FBN1: variants seen among roughly 807,000 people sequenced by gnomAD.
The protein encoded by FBN1 is fibrillin-1.
A neutral mutation model predicts 365.1 loss-of-function variants in FBN1; 29 were observed. The observed-to-expected ratio is 0.08, with a 90% CI of 0.06 to 0.11. The LOEUF (loss-of-function observed/expected upper bound fraction) is 0.11, where lower values mean the gene tolerates loss of function less well. Ranked by LOEUF, FBN1 falls within the 10% of genes least tolerant of loss-of-function variation. The pLI is 1.00. For missense variants in FBN1, 2,476 were observed against 3,703.2 expected (o/e 0.67, Z 8.60); for synonymous variants, 1,210 against 1,270.5 (o/e 0.95, Z 1.01).
intron 9 of FBN1, 92 bp downstream of exon 9, chr15:48,526,038 T>A: frequency 6.6e-7 from 1 of 1,520,254 alleles, no homozygotes; most frequent in Non-Finnish European, 9.1e-7. Context: ...AGTTGATAAA[T>A]TATATGTGCT....
At chr15:48,515,321 A>C (rs2043791066) in intron 12 of FBN1, 66 bp downstream of exon 12, 1 of 1,588,880 alleles carries the variant, frequency 6.3e-7, no homozygotes, top group Non-Finnish European at 8.6e-7. Context: ...AGCAATAGAA[A>C]ACCAGTAGAG....
intron 32 of FBN1, among the ~76,000 whole-genome samples, chr15:48,475,209 A>C (rs1250984114): frequency 6.6e-6 from 1 of 152,198 alleles, no homozygotes. Flanking sequence ...AAGCATTTGC[A>C]GAAAATGTTC....
intron 2 of FBN1, among the ~76,000 whole-genome samples, chr15:48,615,686 T>C (rs1889638131): frequency 6.6e-6 from 1 of 152,220 alleles, no homozygotes; most frequent in Admixed American, 6.5e-5. Context: ...GAGTCTTATA[T>C]ATATTACACT....
At chr15:48,451,661 G>A (rs560268942) in intron 45 of FBN1, among the ~76,000 whole-genome samples, 11 of 152,168 alleles carry the variant, frequency 7.2e-5, no homozygotes, top group African/African-American at 2.6e-4. Context: ...GAAACCCCCC[G>A]TGAAATGAAC....
intron 2 of FBN1, among the ~76,000 whole-genome samples, chr15:48,620,859 T>C (rs1260923203): frequency 6.6e-6 from 1 of 152,130 alleles, no homozygotes; most frequent in Non-Finnish European, 1.5e-5. Context: ...TCAGGGCTCC[T>C]GGGAGATGAT....
chr15:48,454,242 A>C (rs2043222878), intron 44 of FBN1, among the ~76,000 whole-genome samples: 1 of 152,336 alleles, frequency 6.6e-6, no homozygotes, highest in South Asian at 2.1e-4. Flanking sequence ...TGGTCTGTAG[A>C]GAGTGCTTTG....
At chr15:48,428,068 A>G in intron 57 of FBN1, 1 of 642,570 alleles carries the variant, frequency 1.6e-6, no homozygotes, top group Non-Finnish European at 2.8e-6. Flanking sequence ...GGGGCAGAGA[A>G]ACATACGGAA....
intron 10 of FBN1, 116 bp downstream of exon 10, chr15:48,520,543 T>C (rs911679097): frequency 2.5e-6 from 3 of 1,219,952 alleles, no homozygotes; most frequent in African/African-American, 1.5e-5. Flanking sequence ...ATCTCTTATA[T>C]TTCCTGGAGA....
chr15:48,448,517 T>C (rs2141251820), intron 46 of FBN1, among the ~76,000 whole-genome samples: 1 of 152,302 alleles, frequency 6.6e-6, no homozygotes, highest in Middle Eastern at 3.4e-3. Flanking sequence ...TTTGTATTAA[T>C]ATCTTTTTCA....
intron 63 of FBN1, among the ~76,000 whole-genome samples, chr15:48,417,473 C>CTTCCT (rs1566890520): frequency 5.4e-4 from 56 of 103,812 alleles, no homozygotes; most frequent in Admixed American, 1.0e-3. Context: ...CCTTCCTTTC[C>CTTCCT]TTCCTTCCTT....
intron 45 of FBN1, among the ~76,000 whole-genome samples, chr15:48,449,771 G>A (rs1229124911): frequency 6.6e-6 from 1 of 152,198 alleles, no homozygotes; most frequent in East Asian, 1.9e-4. Flanking sequence ...CATCTTTGCT[G>A]CAGATGCTGT....
At position 48,425,838 on chromosome 15, in the gene FBN1, C is replaced by T. The variant is rs775558051; in HGVS notation, c.7231G>A (p.Asp2411Asn). Residue 2411 changes from aspartate (D) to asparagine (N), a missense_variant, in exon 59 of 66, where the codon GAT becomes AAT. Coordinates refer to ENST00000316623, the MANE Select transcript of FBN1 (RefSeq NM_000138.5). ...ADIDECKVIH[D>N]VCRNGECVND... ...ACACATTCCCCATTTCGGCAAACATCGTGAATAACCTTGCATTCATCGATA... is the reference window on the plus strand; with the variant it reads ...ACACATTCCCCATTTCGGCAAACATTGTGAATAACCTTGCATTCATCGATA... The T allele has an allele frequency of 2.0e-5, 33 of 1,611,120 alleles. No individual in the cohort carries two copies. Among genetic ancestry groups the T allele is most frequent in the East Asian group, 8.9e-5 (4 of 44,856 alleles).
chr15:48,539,637 G>A (rs1271998831), intron 6 of FBN1, among the ~76,000 whole-genome samples: 1 of 152,026 alleles, frequency 6.6e-6, no homozygotes, highest in African/African-American at 2.4e-5. Flanking sequence ...CAGGTGATAT[G>A]CAAACAGGTC....
At chr15:48,574,305 G>A (rs529314631) in intron 6 of FBN1, among the ~76,000 whole-genome samples, 1 of 152,318 alleles carries the variant, frequency 6.6e-6, no homozygotes, top group East Asian at 1.9e-4. Flanking sequence ...ATGGCTAATG[G>A]AAGCTTTCTC....
chr15:48,449,169 A>G (rs1042198441), intron 45 of FBN1, among the ~76,000 whole-genome samples: 22 of 152,324 alleles, frequency 1.4e-4, no homozygotes, highest in African/African-American at 5.0e-4. Flanking sequence ...GGGGGATTCA[A>G]GCCGGGAGGA....
intron 3 of FBN1, among the ~76,000 whole-genome samples, chr15:48,611,192 ACT>A (rs905141368): frequency 3.3e-5 from 5 of 152,118 alleles, no homozygotes; most frequent in African/African-American, 1.2e-4. Context: ...TATTATATTA[ACT>A]CTAAGATTTA....
chr15:48,625,614 T>C (rs1033458607), intron 2 of FBN1, among the ~76,000 whole-genome samples: 7 of 152,200 alleles, frequency 4.6e-5, no homozygotes, highest in Non-Finnish European at 1.0e-4. Flanking sequence ...ATGCACCTGA[T>C]TTATTTTAAA....
Position 48,408,987 on chromosome 15 carries a change from T to G in FBN1, c.*2003A>C, listed in dbSNP as rs551933552. Reference sequence around the variant, plus strand: ...CACCTCTATCACATGGTTCCATAGGTGCAGCGTTAGAAGGAAATTTTGAGT... The same window carrying G: ...CACCTCTATCACATGGTTCCATAGGGGCAGCGTTAGAAGGAAATTTTGAGT... On this transcript the variant is annotated 3_prime_UTR_variant, in exon 66 of 66. Coordinates refer to ENST00000316623, the MANE Select transcript of FBN1 (RefSeq NM_000138.5). 6.6e-6 allele frequency: 1 copy of G among 152,222 alleles called. No individual in the cohort carries two copies. The highest frequency in any genetic ancestry group is 2.4e-5 in the African/African-American group (1 of 41,462). The allele number at this position is 152,222 out of a possible 1,614,324, so 9.4% of individuals were successfully genotyped here.
intron 24 of FBN1, among the ~76,000 whole-genome samples, chr15:48,491,243 T>C (rs1050196806): frequency 8.5e-5 from 13 of 152,240 alleles, no homozygotes; most frequent in African/African-American, 3.1e-4. Flanking sequence ...CATTCCATAT[T>C]ATTTATTTAC....
Sources: gnomAD v4.1 joint callset for allele counts (sites outside exome capture counted in the v4.1 genomes callset) on GRCh38, gnomAD v4.1.1 for gene constraint, MANE v1.5 for transcripts, NCBI Gene and HGNC (gene_info 2026-07-23, HGNC 2026-07-21) for gene names.